The following UROS variants were observed in gnomAD, a reference collection of about 807,000 sequenced individuals.
The protein encoded by UROS is uroporphyrinogen III synthase, also known as uroporphyrinogen-III synthase.
In UROS, 18 loss-of-function variants were observed where a neutral mutation model predicts 33.0. That is an observed-to-expected ratio of 0.55 (90% CI 0.38 to 0.81). UROS has a LOEUF of 0.81. UROS is among the 30% of genes least tolerant of loss of function. The pLI is 0.00. For missense variants in UROS, 293 were observed against 314.9 expected (o/e 0.93, Z 0.53); for synonymous variants, 114 against 121.1 (o/e 0.94, Z 0.38).
chr10:125,815,920 T>C (rs1853279343), intron 3 of UROS, among the ~76,000 whole-genome samples: 1 of 152,180 alleles, frequency 6.6e-6, no homozygotes, highest in Non-Finnish European at 1.5e-5. Context: ...CTGAGAGCAA[T>C]GCAGGTTTGC....
At position 125,796,296 on chromosome 10, in the gene UROS, C is replaced by T. The variant is rs566916351; in HGVS notation, c.476-108G>A. On this transcript the variant is annotated intron_variant, in intron 7 of 9. Coordinates refer to ENST00000368797, the MANE Select transcript of UROS (RefSeq NM_000375.3). ...AACCTCCCAATACAGCACCACCCTC[C>T]TGGAACGAGCTGCTTGGAAGCTGAG... 6.7e-5 allele frequency: 72 copies of T among 1,079,974 alleles called. No homozygotes were observed. In the African/African-American group the frequency reaches 7.4e-4, roughly 11 times the overall value. 66.9% of individuals were successfully genotyped at this position (1,079,974 alleles called of 1,614,324 possible).
chr10:125,813,860 T>C (rs975164914), intron 4 of UROS, among the ~76,000 whole-genome samples: 1 of 152,202 alleles, frequency 6.6e-6, no homozygotes, highest in African/African-American at 2.4e-5. Context: ...AGGTGGGATG[T>C]TTAGGCTACA....
intron 8 of UROS, among the ~76,000 whole-genome samples, chr10:125,795,786 T>G (rs1458700922): frequency 1.3e-5 from 2 of 152,144 alleles, no homozygotes; most frequent in Non-Finnish European, 2.9e-5. Flanking sequence ...CTATAAAAAC[T>G]TACCACTTCC....
intron 9 of UROS, 190 bp from the exon 10 acceptor site, chr10:125,789,195 C>T (rs1418222432): frequency 7.0e-7 from 1 of 1,430,414 alleles, no homozygotes; most frequent in Admixed American, 2.3e-5. Flanking sequence ...ACCTCTGCAT[C>T]CACGCTCTCA....
Position 125,806,666 on chromosome 10 carries a change from A to G in UROS, c.394+747T>C, listed in dbSNP as rs148834311. Among the ~76,000 whole-genome samples, 903 of 152,284 alleles carry G rather than the reference A, an allele frequency of 5.9e-3. 10 individuals carry two copies. Among genetic ancestry groups the G allele is most frequent in the African/African-American group, 0.021 (854 of 41,564 alleles). ...AGCCTGGATTTCCTCCTCTTCAGCAATCTAAGATAAGATAGTTCTACTTCA... is the reference window on the plus strand; with the variant it reads ...AGCCTGGATTTCCTCCTCTTCAGCAGTCTAAGATAAGATAGTTCTACTTCA... On this transcript the variant is annotated intron_variant, in intron 6 of 9. Coordinates refer to ENST00000368797, the MANE Select transcript of UROS (RefSeq NM_000375.3).
At chr10:125,812,107 A>T in intron 5 of UROS, 107 bp downstream of exon 5, 1 of 1,136,528 alleles carries the variant, frequency 8.8e-7, no homozygotes, top group South Asian at 1.3e-5. Flanking sequence ...TAATTTTTGC[A>T]AATTTAATAA....
intron 7 of UROS, among the ~76,000 whole-genome samples, chr10:125,797,107 C>T (rs1851430413): frequency 6.6e-6 from 1 of 152,182 alleles, no homozygotes; most frequent in South Asian, 2.1e-4. Context: ...GCCTTTATTC[C>T]TGGTAGCTTT....
rs188626618 is a variant in UROS at position 125,815,570 on chromosome 10, G to A, written c.148-440C>T. Among the ~76,000 whole-genome samples, 5 of 152,216 alleles carry A rather than the reference G, an allele frequency of 3.3e-5. No individual in the cohort carries two copies. The East Asian group carries it at 7.7e-4, about 24-fold the overall frequency. On this transcript the variant is annotated intron_variant, in intron 3 of 9. Coordinates refer to ENST00000368797, the MANE Select transcript of UROS (RefSeq NM_000375.3). The stretch of plus-strand genomic sequence containing the variant: ...GAGGATAATGGTGATATCATCTACC[G>A]AACATTTACTCTGAGCCAGGCACTA...
Position 125,822,557 on chromosome 10 carries a change from A to T in UROS, c.-27+472T>A, listed in dbSNP as rs577172351. Among the ~76,000 whole-genome samples the T allele has an allele frequency of 2.5e-4, 38 of 151,766 alleles. 1 individual carries two copies. Among genetic ancestry groups the T allele is most frequent in the African/African-American group, 9.2e-4 (38 of 41,360 alleles). The stretch of plus-strand genomic sequence containing the variant: ...AGGCTGGTCTCGAACTCCTGACCTC[A>T]AGTGATCCACCCATCTCGGCCTCCC... On this transcript the variant is annotated intron_variant, in intron 1 of 9. Transcript: ENST00000368797.
chr10:125,807,217 G>A (rs1311979240), intron 6 of UROS, 196 bp downstream of exon 6: 1 of 608,972 alleles, frequency 1.6e-6, no homozygotes, highest in Non-Finnish European at 2.9e-6. Flanking sequence ...GGGGGTAGAA[G>A]GAAGTGGGCT....
chr10:125,787,439 G>A (rs565766648), downstream of UROS, among the ~76,000 whole-genome samples: 3 of 152,238 alleles, frequency 2.0e-5, no homozygotes, highest in East Asian at 3.9e-4. Context: ...TCCAGCTATG[G>A]GGGACCCCAT....
rs1467024632 is a variant in UROS at position 125,815,045 on chromosome 10, T to C, written c.233A>G (p.Asn78Ser). 2 of 1,614,228 alleles carry C rather than the reference T, an allele frequency of 1.2e-6. No individual in the cohort carries two copies. The highest frequency in any genetic ancestry group is 4.5e-5 in the East Asian group (2 of 44,888). Residue 78 changes from asparagine to serine, a missense_variant, in exon 4 of 10, where the codon AAT (asparagine) becomes AGT (serine). Physicochemically the swap from Asn to Ser is conservative, Grantham distance 46 (BLOSUM62 1). Coordinates refer to ENST00000368797, the MANE Select transcript of UROS (RefSeq NM_000375.3). ...AGACCCACCCTCACCTTCAGTTTTA[T>C]TGTTTTGCTCCAAACATAACTCTGC... ...EAAELCLEQNNKTEVWERSLK... is the reference protein window; with the variant it reads ...EAAELCLEQNSKTEVWERSLK...
chr10:125,794,596 C>T (rs1467619042), intron 9 of UROS, among the ~76,000 whole-genome samples: 1 of 152,162 alleles, frequency 6.6e-6, no homozygotes, highest in East Asian at 1.9e-4. Flanking sequence ...TACTCAAATT[C>T]CCTCATGTAA....
At chr10:125,817,750 A>C (rs1463373051) in intron 1 of UROS, among the ~76,000 whole-genome samples, 1 of 152,208 alleles carries the variant, frequency 6.6e-6, no homozygotes, top group Non-Finnish European at 1.5e-5. Context: ...CCAAAGTCTC[A>C]GAATTGCTAC....
Position 125,807,464 on chromosome 10 carries a change from C to T in UROS, c.343G>A (p.Glu115Lys), listed in dbSNP as rs1322143987. The change falls in exon 6 of 10, where the codon GAA (glutamate) becomes AAA (lysine). Residue 115 changes from glutamate to lysine, a missense_variant. Glu to Lys is a moderately conservative substitution (Grantham distance 56, BLOSUM62 1). Coordinates refer to ENST00000368797, the MANE Select transcript of UROS (RefSeq NM_000375.3). Reference sequence around the variant, plus strand: ...TCTGCATTTCCACAGGTTTCTCCTTCTGTATCCAGGCCAATTTTACTCACT... The same window carrying T: ...TCTGCATTTCCACAGGTTTCTCCTTTTGTATCCAGGCCAATTTTACTCACT... ...SLVSKIGLDT[E>K]GETCGNAEKL... 1.2e-6 allele frequency: 2 copies of T among 1,613,982 alleles called. No homozygotes were observed. Among genetic ancestry groups the T allele is most frequent in the Non-Finnish European group, 1.7e-6 (2 of 1,180,002 alleles).
chr10:125,815,364 A>G (rs922023256), intron 3 of UROS, among the ~76,000 whole-genome samples: 4 of 152,166 alleles, frequency 2.6e-5, no homozygotes, highest in African/African-American at 9.7e-5. Context: ...CAGGAAGCTC[A>G]GAGTCTAGGG....
rs2133845071 is a variant in UROS, at chr10:125,798,147, T to G, written c.395-2A>C. The stretch of plus-strand genomic sequence containing the variant: ...GAAGAGGCAGTGCTGAGGACTCCCC[T>G]GTGAATAAATAACCAGGCTTTGTGA... On this transcript the variant is annotated splice_acceptor_variant, in intron 6 of 9. Transcript: ENST00000368797. LOFTEE classifies it high-confidence loss of function. The G allele has an allele frequency of 6.2e-7, 1 of 1,613,746 alleles. No homozygotes were observed. The highest frequency in any genetic ancestry group is 8.5e-7 in the Non-Finnish European group (1 of 1,179,680).
At chr10:125,813,812 T>C (rs1044356159) in intron 4 of UROS, among the ~76,000 whole-genome samples, 1 of 152,204 alleles carries the variant, frequency 6.6e-6, no homozygotes, top group African/African-American at 2.4e-5. Flanking sequence ...ACGCTTTCTT[T>C]TCAACAAGAG....
At chr10:125,810,486 C>T (rs921537641) in intron 5 of UROS, among the ~76,000 whole-genome samples, 3 of 152,174 alleles carry the variant, frequency 2.0e-5, no homozygotes, top group South Asian at 2.1e-4. Context: ...GCCCTGACCA[C>T]CAGCTTGACC....
Sources: gnomAD v4.1 joint callset for allele counts (sites outside exome capture counted in the v4.1 genomes callset) on GRCh38, gnomAD v4.1.1 for gene constraint, MANE v1.5 for transcripts, NCBI Gene and HGNC (gene_info 2026-07-23, HGNC 2026-07-21) for gene names.